Variants in EIF3L observed in about 807,000 individuals in gnomAD.
EIF3L encodes the protein eIEF associated protein HSPC021.
In EIF3L, 32 loss-of-function variants were observed where a neutral mutation model predicts 74.6. The observed-to-expected ratio is 0.43, with a 90% CI of 0.32 to 0.58. The LOEUF is 0.58. Among genes scored for constraint, EIF3L ranks in the 20% least tolerant of loss-of-function variants. EIF3L has a pLI of 0.06. For missense variants in EIF3L, 474 were observed against 707.8 expected (o/e 0.67, Z 3.75); for synonymous variants, 256 against 254.4 (o/e 1.01, Z -0.06).
chr22:37,867,986 AT>A (rs1569117152), intron 7 of EIF3L, among the ~76,000 whole-genome samples: 3 of 151,504 alleles, frequency 2.0e-5, no homozygotes, highest in African/African-American at 7.3e-5. Context: ...AGAAAAAAAA[AT>A]CATACTTTTC....
chr22:37,853,547 A>G (rs1245067338), intron 3 of EIF3L, among the ~76,000 whole-genome samples: 3 of 152,310 alleles, frequency 2.0e-5, no homozygotes, highest in East Asian at 3.9e-4. Flanking sequence ...AGGTGGGAGG[A>G]TCACTTGAGC....
chr22:37,876,051 CA>C (rs1926730489), intron 10 of EIF3L, 40 bp downstream of exon 10: 1 of 1,590,424 alleles, frequency 6.3e-7, no homozygotes, highest in Non-Finnish European at 8.6e-7. Context: ...CCTTTCTAAT[CA>C]GGGGGATCCT....
intron 10 of EIF3L, 162 bp downstream of exon 10, chr22:37,876,173 C>T (rs894738732): frequency 1.3e-5 from 9 of 701,686 alleles, no homozygotes; most frequent in African/African-American, 1.1e-4. Context: ...ATAGATCACC[C>T]AGCTGGAGTG....
intron 12 of EIF3L, chr22:37,887,796 C>A (rs1045762154): frequency 6.6e-6 from 1 of 152,268 alleles, no homozygotes; most frequent in Admixed American, 6.6e-5. Flanking sequence ...GCATTGTTTT[C>A]CAACTTAGAC....
At chr22:37,857,259 A>T (rs568117354) in intron 4 of EIF3L, among the ~76,000 whole-genome samples, 2 of 149,662 alleles carry the variant, frequency 1.3e-5, no homozygotes, top group Non-Finnish European at 3.0e-5. Context: ...AGTCCCAGCT[A>T]CTCGGGAGGC....
chr22:37,865,531 T>A (rs1320630426), intron 7 of EIF3L, among the ~76,000 whole-genome samples: 1 of 152,224 alleles, frequency 6.6e-6, no homozygotes, highest in Non-Finnish European at 1.5e-5. Flanking sequence ...TTGTGCTGTC[T>A]ATAGCTCTAA....
At chr22:37,861,149 G>A (rs910901273) in intron 5 of EIF3L, among the ~76,000 whole-genome samples, 5 of 152,154 alleles carry the variant, frequency 3.3e-5, no homozygotes, top group Non-Finnish European at 7.3e-5. Context: ...GAGCATGTGT[G>A]TGCTTGCATG....
chr22:37,874,400 G>A lies in EIF3L; in HGVS notation c.782G>A (p.Gly261Glu). The A allele has an allele frequency of 6.2e-7, 1 of 1,614,040 alleles. No individual in the cohort carries two copies. Among genetic ancestry groups the A allele is most frequent in the Non-Finnish European group, 8.5e-7 (1 of 1,179,994 alleles). Residue 261 changes from glycine (G) to glutamate (E), a missense_variant, in exon 9 of 13, where the codon GGG (glycine) becomes GAG (glutamate). This residue lies in a region of EIF3L where 293 missense variants were observed against 469.1 expected (regional missense o/e 0.62). Transcript: ENST00000652021. ...CCTGAGAGTGTGGCTGGGGAGTATG[G>A]GCGGCACTCCCTCTACAAAATGCTT... ...GDPESVAGEY[G>E]RHSLYKMLGY... is the part of the protein sequence containing the mutation.
Position 37,874,473 on chromosome 22 carries a change from A to G in EIF3L, c.855A>G (p.Gly285=). 6.2e-7 allele frequency: 1 copy of G among 1,614,144 alleles called. No homozygotes were observed. Among genetic ancestry groups the G allele is most frequent in the Non-Finnish European group, 8.5e-7 (1 of 1,180,004 alleles). ...VGLLRLHSLL[G]DYYQAIKVLE... The stretch of plus-strand genomic sequence containing the variant: ...TTCTCCGCCTGCACTCCCTGTTAGG[A>G]GATTACTACCAGGCCATCAAGGTGC... Residue 285 remains glycine (G), a synonymous_variant, in exon 9 of 13, where the codon GGA becomes GGG. Transcript: ENST00000652021.
chr22:37,869,831 G>T lies in EIF3L; in HGVS notation c.580-345G>T, dbSNP rs150503600. On this transcript the variant is annotated intron_variant, in intron 7 of 12. Coordinates refer to ENST00000652021, the MANE Select transcript of EIF3L (RefSeq NM_016091.4). ...AATAGATGGTACAAGAGCCCCTGTGGTGTTTCTGGTGGCCCGGTCAACTGC... is the reference window on the plus strand; with the variant it reads ...AATAGATGGTACAAGAGCCCCTGTGTTGTTTCTGGTGGCCCGGTCAACTGC... Among the ~76,000 whole-genome samples the T allele has an allele frequency of 5.3e-5, 8 of 152,266 alleles. No homozygotes were observed. The East Asian group carries it at 1.5e-3, about 29-fold the overall frequency.
intron 8 of EIF3L, among the ~76,000 whole-genome samples, chr22:37,873,473 A>G (rs1004359037): frequency 6.6e-6 from 1 of 151,422 alleles, no homozygotes; most frequent in African/African-American, 2.4e-5. Context: ...AATTTTTTGT[A>G]TTTTTAGTAG....
chr22:37,858,546 G>T, intron 4 of EIF3L, 133 bp from the exon 5 acceptor site: 1 of 758,400 alleles, frequency 1.3e-6, no homozygotes. Flanking sequence ...ATGTATTCTT[G>T]GGGCATATGC....
rs772797189 is a variant in EIF3L, at chr22:37,875,996, G to T, written c.1062G>T (p.Thr354=). The T allele has an allele frequency of 6.2e-7, 1 of 1,613,754 alleles. No individual in the cohort carries two copies. Among genetic ancestry groups the T allele is most frequent in the Non-Finnish European group, 8.5e-7 (1 of 1,179,790 alleles). ...QRTKSMFQRT[T]YKYEMINKQN... ...CCAAGAGCATGTTCCAGAGGACCAC[G>T]TACAAGTATGAGATGGTAAGGGGGA... Residue 354 remains threonine, a synonymous_variant, in exon 10 of 13, where the codon ACG becomes ACT. Coordinates refer to ENST00000652021, the MANE Select transcript of EIF3L (RefSeq NM_016091.4).
intron 11 of EIF3L, chr22:37,878,739 C>T (rs1397317237): frequency 6.6e-6 from 1 of 152,548 alleles, no homozygotes; most frequent in Non-Finnish European, 1.5e-5. Context: ...CTGGGATTAC[C>T]AACAATAGAT....
At chr22:37,864,641 C>T (rs1041850747) in intron 7 of EIF3L, among the ~76,000 whole-genome samples, 1 of 151,462 alleles carries the variant, frequency 6.6e-6, no homozygotes, top group Admixed American at 6.6e-5. Flanking sequence ...CGGGTTCAAG[C>T]GATTCTCTTG....
At chr22:37,867,201 A>G (rs1926196851) in intron 7 of EIF3L, among the ~76,000 whole-genome samples, 1 of 151,940 alleles carries the variant, frequency 6.6e-6, no homozygotes, top group Non-Finnish European at 1.5e-5. Flanking sequence ...CTGATTTTTA[A>G]TTTGTTGCAG....
In EIF3L at chr22:37,855,589, C is replaced by G. The variant is rs1925458106; in HGVS notation, c.318C>G (p.Phe106Leu). 1 of 1,614,170 alleles carries G rather than the reference C, an allele frequency of 6.2e-7. No individual in the cohort carries two copies. Among genetic ancestry groups the G allele is most frequent in the Non-Finnish European group, 8.5e-7 (1 of 1,180,030 alleles). The change falls in exon 4 of 13, where the codon TTC (phenylalanine) becomes TTG (leucine). Residue 106 changes from phenylalanine (F) to leucine (L), a missense_variant. Physicochemically the swap from Phe to Leu is conservative, Grantham distance 22 (BLOSUM62 0). Coordinates refer to ENST00000652021, the MANE Select transcript of EIF3L (RefSeq NM_016091.4). ...GCTGGACCAAGCTGACTGAAAGATTCTTCAAGAATACACCTTGGCCCGAGG... is the reference window on the plus strand; with the variant it reads ...GCTGGACCAAGCTGACTGAAAGATTGTTCAAGAATACACCTTGGCCCGAGG... ...ENSWTKLTER[F>L]FKNTPWPEAE...
rs150013673 is a variant in EIF3L at position 37,864,758 on chromosome 22, C to T, written c.579+1413C>T. ...TTCTCCATGTTGACCAGGCTGGTCTCGAACTCCCAACTTCAGGTGATCCGC... is the reference window on the plus strand; with the variant it reads ...TTCTCCATGTTGACCAGGCTGGTCTTGAACTCCCAACTTCAGGTGATCCGC... On this transcript the variant is annotated intron_variant, in intron 7 of 12. Transcript: ENST00000652021. 6.0e-3 allele frequency among the ~76,000 whole-genome samples: 906 copies of T among 152,098 alleles called. 6 individuals carry two copies. Among genetic ancestry groups the T allele is most frequent in the African/African-American group, 0.021 (873 of 41,494 alleles).
chr22:37,861,471 G>A (rs1255987142), intron 5 of EIF3L, among the ~76,000 whole-genome samples: 1 of 152,168 alleles, frequency 6.6e-6, no homozygotes, highest in African/African-American at 2.4e-5. Flanking sequence ...GGATCACGAG[G>A]TCAGGAGTTC....
Sources: allele counts gnomAD v4.1 joint callset (sites outside exome capture counted in the v4.1 genomes callset), GRCh38; gene constraint gnomAD v4.1.1; regional missense constraint gnomAD v4.1.1; transcripts MANE v1.5; gene names NCBI Gene and HGNC (gene_info 2026-07-23, HGNC 2026-07-21).